The following SMAD1 variants were observed in gnomAD, a reference collection of about 807,000 sequenced individuals.
The protein encoded by SMAD1 is MAD, mothers against decapentaplegic homolog 1.
Under a neutral mutation model 41.6 loss-of-function variants are expected in SMAD1, and 6 were observed. That is an observed-to-expected ratio of 0.14 (90% CI 0.08 to 0.28). The LOEUF is 0.28. Among genes scored for constraint, SMAD1 ranks in the 10% least tolerant of loss-of-function variants. SMAD1 has a pLI of 1.00. For synonymous variants in SMAD1, 206 were observed against 203.2 expected (o/e 1.01, Z -0.12); for missense variants, 379 against 582.6 (o/e 0.65, Z 3.60).
At chr4:145,508,080 A>G (rs1330748193) in intron 1 of SMAD1, among the ~76,000 whole-genome samples, 2 of 138,446 alleles carry the variant, frequency 1.4e-5, no homozygotes, top group African/African-American at 2.7e-5. Flanking sequence ...CTTGGTTTAG[A>G]TTTTTTTTTT....
At chr4:145,498,726 C>T (rs1228737932) in intron 1 of SMAD1, among the ~76,000 whole-genome samples, 1 of 152,114 alleles carries the variant, frequency 6.6e-6, no homozygotes, top group Non-Finnish European at 1.5e-5. Context: ...ATACTTTTTA[C>T]CACTTCTTAC....
chr4:145,527,321 T>C (rs1731072005), intron 2 of SMAD1, among the ~76,000 whole-genome samples: 1 of 151,606 alleles, frequency 6.6e-6, no homozygotes, highest in Non-Finnish European at 1.5e-5. Context: ...CCTCCCGGGT[T>C]CACGCCATTC....
chr4:145,508,592 A>C (rs1729914648), intron 1 of SMAD1, among the ~76,000 whole-genome samples: 1 of 151,980 alleles, frequency 6.6e-6, no homozygotes, highest in Non-Finnish European at 1.5e-5. Context: ...TTGTTTTGCA[A>C]AATTCTACTT....
At chr4:145,486,232 G>A (rs1478292337) in intron 1 of SMAD1, among the ~76,000 whole-genome samples, 1 of 152,198 alleles carries the variant, frequency 6.6e-6, no homozygotes, top group Non-Finnish European at 1.5e-5. Flanking sequence ...CACATAATTT[G>A]AAGAATAAAT....
chr4:145,521,955 C>T (rs1324384163), intron 2 of SMAD1, among the ~76,000 whole-genome samples: 1 of 149,382 alleles, frequency 6.7e-6, no homozygotes, highest in South Asian at 2.1e-4. Context: ...TCTTTGTGCA[C>T]TTTTCATTTT....
intron 2 of SMAD1, among the ~76,000 whole-genome samples, chr4:145,531,825 C>CTT (rs370589686): frequency 5.5e-5 from 8 of 145,906 alleles, no homozygotes; most frequent in Non-Finnish European, 7.6e-5. Context: ...TCCGTTACTT[C>CTT]TTTTTTTTTT....
rs150039218 is a variant in SMAD1, at chr4:145,545,141, A to G, written c.776-1562A>G. 1.4e-3 allele frequency: 207 copies of G among 152,084 alleles called. 2 individuals are homozygous for G. Among genetic ancestry groups the G allele is most frequent in the African/African-American group, 4.6e-3 (190 of 41,484 alleles). The allele number at this position is 152,084 out of a possible 1,614,324, so 9.4% of individuals were successfully genotyped here. A position where few individuals can be genotyped will look rare whatever the true frequency, so the allele number is the denominator to read the frequency against. On this transcript the variant is annotated intron_variant, in intron 4 of 6. Coordinates refer to ENST00000302085, the MANE Select transcript of SMAD1 (RefSeq NM_005900.3). ...AGCCCACAGGCCAATTCAGCCTGCT[A>G]TCTGTTTTTGTAAATAAAGCATTAT...
At chr4:145,481,769 G>GCGGA (rs1728183629), upstream of SMAD1, 1 of 197,712 alleles carries the variant, frequency 5.1e-6, no homozygotes, top group Non-Finnish European at 1.0e-5. Context: ...GTGTGAGCGG[G>GCGGA]CGGGCGGGCA....
intron 1 of SMAD1, among the ~76,000 whole-genome samples, chr4:145,513,862 T>C (rs1223120393): frequency 6.6e-6 from 1 of 152,240 alleles, no homozygotes; most frequent in Admixed American, 6.5e-5. Context: ...TAACAGTGGC[T>C]TACTTTTTAA....
At chr4:145,509,833 A>G (rs1244647464) in intron 1 of SMAD1, among the ~76,000 whole-genome samples, 1 of 152,174 alleles carries the variant, frequency 6.6e-6, no homozygotes, top group East Asian at 1.9e-4. Flanking sequence ...AATTTGGGTG[A>G]ACTCTTTAAA....
intron 2 of SMAD1, among the ~76,000 whole-genome samples, chr4:145,527,519 G>C (rs945361704): frequency 6.6e-6 from 1 of 152,062 alleles, no homozygotes; most frequent in Admixed American, 6.6e-5. Flanking sequence ...CACCGCGCCC[G>C]GCCCTATTCT....
At chr4:145,500,616 A>G (rs551040521) in intron 1 of SMAD1, among the ~76,000 whole-genome samples, 2 of 152,096 alleles carry the variant, frequency 1.3e-5, no homozygotes, top group East Asian at 1.9e-4. Context: ...ACTTTGAAAA[A>G]CTTTTTGTGT....
intron 2 of SMAD1, among the ~76,000 whole-genome samples, chr4:145,520,334 A>G (rs775776007): frequency 6.6e-6 from 1 of 152,210 alleles, no homozygotes; most frequent in Non-Finnish European, 1.5e-5. Context: ...TCAGTGGATG[A>G]ATGTGTAGAA....
intron 1 of SMAD1, among the ~76,000 whole-genome samples, chr4:145,495,323 C>A (rs1039261884): frequency 6.6e-6 from 1 of 152,202 alleles, no homozygotes; most frequent in African/African-American, 2.4e-5. Context: ...TATCTTCCCA[C>A]TTTCCTTACC....
chr4:145,504,858 C>T (rs557880465), intron 1 of SMAD1, among the ~76,000 whole-genome samples: 1 of 152,182 alleles, frequency 6.6e-6, no homozygotes. Context: ...CAATTCTTTG[C>T]TTACAAGATG....
intron 2 of SMAD1, among the ~76,000 whole-genome samples, chr4:145,538,607 G>A (rs1238909477): frequency 6.6e-6 from 1 of 152,092 alleles, no homozygotes; most frequent in African/African-American, 2.4e-5. Context: ...AGATTCCCTG[G>A]AAAGCCCTCA....
intron 5 of SMAD1, among the ~76,000 whole-genome samples, chr4:145,550,318 G>A (rs920619711): frequency 2.0e-5 from 3 of 152,268 alleles, no homozygotes; most frequent in Admixed American, 6.5e-5. Flanking sequence ...TTCGAGACCA[G>A]CCTGGGCAAC....
At chr4:145,544,069 C>T (rs1187646727) in intron 4 of SMAD1, 1 of 152,060 alleles carries the variant, frequency 6.6e-6, no homozygotes, top group African/African-American at 2.4e-5. Flanking sequence ...ATAGGATGTA[C>T]ACCATAAGTG....
intron 2 of SMAD1, 128 bp from the exon 3 acceptor site, chr4:145,539,676 G>A (rs1352991210): frequency 1.2e-6 from 1 of 857,662 alleles, no homozygotes; most frequent in Non-Finnish European, 1.8e-6. Flanking sequence ...TGATGCTTTT[G>A]AGTTGGCAGC....
Sources: allele counts gnomAD v4.1 joint callset (sites outside exome capture counted in the v4.1 genomes callset), GRCh38; gene constraint gnomAD v4.1.1; transcripts MANE v1.5; gene names NCBI Gene and HGNC (gene_info 2026-07-23, HGNC 2026-07-21).